ASB18: variants seen among roughly 807,000 people sequenced by gnomAD.
The protein encoded by ASB18 is ankyrin repeat and SOCS box protein 18.
In ASB18, 33 loss-of-function variants were observed where a neutral mutation model predicts 33.4. The observed-to-expected ratio is 0.99, with a 90% CI of 0.75 to 1.32. ASB18 has a LOEUF of 1.32. ASB18 is among the 40% of genes most tolerant of loss of function. ASB18 has a pLI of 0.00. For missense variants in ASB18, 694 were observed against 655.5 expected (o/e 1.06, Z -0.64); for synonymous variants, 295 against 307.6 (o/e 0.96, Z 0.43).
chr2:236,254,363 G>A (rs377636954), intron 1 of ASB18, among the ~76,000 whole-genome samples: 147 of 151,952 alleles, frequency 9.7e-4, no homozygotes, highest in African/African-American at 3.4e-3. Flanking sequence ...TATTCTCAGA[G>A]TAAACCTGAC....
chr2:236,243,942 T>G (rs1359314161), intron 1 of ASB18, among the ~76,000 whole-genome samples: 1 of 152,168 alleles, frequency 6.6e-6, no homozygotes, highest in African/African-American at 2.4e-5. Context: ...TTCTCTTGCC[T>G]CAGCCTCCTG....
rs369676391 is a variant in ASB18 at position 236,205,151 on chromosome 2, C to T, written c.1102-8766G>A. Among the ~76,000 whole-genome samples the T allele has an allele frequency of 1.3e-5, 2 of 152,174 alleles. No individual in the cohort carries two copies. The highest frequency in any genetic ancestry group is 2.9e-5 in the Non-Finnish European group (2 of 68,020). On this transcript the variant is annotated intron_variant, in intron 4 of 5. Coordinates refer to ENST00000409749, the MANE Select transcript of ASB18 (RefSeq NM_212556.4). The surrounding 1 kb of genome is among the most constrained non-coding windows in gnomAD (Gnocchi z 5.4). ...ATCTTTACAAAATATTGTTGGATTG[C>T]GTCACTCCTCTGCTCAAATCCCTCC... is the stretch of plus-strand genomic sequence containing the variant.
chr2:236,227,334 T>A (rs2060545516), intron 3 of ASB18, among the ~76,000 whole-genome samples: 1 of 152,100 alleles, frequency 6.6e-6, no homozygotes. Flanking sequence ...AATAGTAAAA[T>A]ATAGTTTCAA....
rs1001329611 is a variant in ASB18, at chr2:236,237,752, G to C, written c.533C>G (p.Pro178Arg). ...VRLLLQHRAD[P>R]DLLSAEGLAP... ...CAGGCCCTCGGCGCTGAGCAGGTCG[G>C]GGTCGGCGCGGTGCTGCAGCAGCAG... The change falls in exon 3 of 6, where the codon CCC becomes CGC. Residue 178 changes from proline (P) to arginine (R), a missense_variant. Transcript: ENST00000409749. The surrounding 1 kb of genome is among the most constrained non-coding windows in gnomAD (Gnocchi z 6.2). The C allele has an allele frequency of 6.2e-6, 9 of 1,456,876 alleles. No homozygotes were observed. Among genetic ancestry groups the C allele is most frequent in the Non-Finnish European group, 2.7e-6 (3 of 1,110,052 alleles). The allele number at this position is 1,456,876 out of a possible 1,614,324, so 90.2% of individuals were successfully genotyped here.
At position 236,196,474 on chromosome 2, in the gene ASB18, C is replaced by G; in HGVS notation, c.1102-89G>C. The G allele has an allele frequency of 1.4e-6, 1 of 717,676 alleles. No individual in the cohort carries two copies. The highest frequency in any genetic ancestry group is 2.5e-6 in the Non-Finnish European group (1 of 401,150). The allele number at this position is 717,676 out of a possible 1,614,324, so 44.5% of individuals were successfully genotyped here. A position where few individuals can be genotyped will look rare whatever the true frequency, so the allele number is the denominator to read the frequency against. On this transcript the variant is annotated intron_variant, in intron 4 of 5. Coordinates refer to ENST00000409749, the MANE Select transcript of ASB18 (RefSeq NM_212556.4). The surrounding 1 kb of genome is among the most constrained non-coding windows in gnomAD (Gnocchi z 5.6). ...GGTGGGGGGTGTGGGGGGATGCTCT[C>G]CCTAGCTGTGTGACCTCCCTACGCC...
rs1439787215 is a variant in ASB18 at position 236,264,141 on chromosome 2, C to CT, written c.204dup (p.Gly69ArgfsTer22). On this transcript the variant is annotated frameshift_variant and splice_region_variant, in exon 1 of 6. Coordinates refer to ENST00000409749, the MANE Select transcript of ASB18 (RefSeq NM_212556.4). LOFTEE classifies it high-confidence loss of function. The surrounding 1 kb of genome is among the most constrained non-coding windows in gnomAD (Gnocchi z 5.1). ...GATGCAGCAGGCTCGTTCTGGTTAC[C>CT]TAGCAGCATGCCGGTGGGCAGCTGA... is the stretch of plus-strand genomic sequence containing the variant. 6.2e-7 allele frequency: 1 copy of CT among 1,613,526 alleles called. No individual in the cohort carries two copies. Among genetic ancestry groups the CT allele is most frequent in the Non-Finnish European group, 8.5e-7 (1 of 1,179,806 alleles).
chr2:236,247,929 T>C (rs943130029), intron 1 of ASB18: 2 of 152,178 alleles, frequency 1.3e-5, no homozygotes, highest in Non-Finnish European at 2.9e-5. Flanking sequence ...TTTGGGAGTA[T>C]TTAGAAAACA....
chr2:236,243,712 G>A (rs1177487400), intron 1 of ASB18, among the ~76,000 whole-genome samples: 2 of 151,858 alleles, frequency 1.3e-5, no homozygotes, highest in African/African-American at 4.8e-5. Flanking sequence ...AATGATAACA[G>A]TTCTTTATTA....
At position 236,248,241 on chromosome 2, in the gene ASB18, C is replaced by G. The variant is rs1340735611; in HGVS notation, c.206-6839G>C. The G allele has an allele frequency of 1.3e-5, 2 of 152,176 alleles. No homozygotes were observed. Among genetic ancestry groups the G allele is most frequent in the Non-Finnish European group, 2.9e-5 (2 of 68,058 alleles). 9.4% of individuals were successfully genotyped at this position (152,176 alleles called of 1,614,324 possible). A position where few individuals can be genotyped will look rare whatever the true frequency, so the allele number is the denominator to read the frequency against. On this transcript the variant is annotated intron_variant, in intron 1 of 5. Transcript: ENST00000409749. This position sits in a 1 kb window ranked among gnomAD's most constrained non-coding sequence, Gnocchi z 4.9. ...TAAAAAACACGATGCCTGGAGCCCA[C>G]CTGGTAGTTTCAGGCATAATGGGTT...
rs777875813 is a variant in ASB18 at position 236,241,349 on chromosome 2, C to T, written c.259G>A (p.Val87Met). The change falls in exon 2 of 6, where the codon GTG becomes ATG. Residue 87 changes from valine (V) to methionine (M), a missense_variant. By Grantham distance (21) the Val-to-Met change is conservative. Transcript: ENST00000409749. This position sits in a 1 kb window ranked among gnomAD's most constrained non-coding sequence, Gnocchi z 4.2. ...TCATCCTTATTGATCTCAAACACCA[C>T]GTTGGCATCCTGGAAGAACTGGTCC... ...LMDQFFQDAN[V>M]VFEINKDEME... The T allele has an allele frequency of 1.9e-5, 30 of 1,613,948 alleles. No homozygotes were observed. Among genetic ancestry groups the T allele is most frequent in the South Asian group, 3.3e-5 (3 of 91,088 alleles).
At chr2:236,254,739 T>G (rs1433576630) in intron 1 of ASB18, among the ~76,000 whole-genome samples, 1 of 152,138 alleles carries the variant, frequency 6.6e-6, no homozygotes, top group Non-Finnish European at 1.5e-5. Flanking sequence ...AAGCCCATCG[T>G]TGATGGGAAC....
chr2:236,200,165 G>A lies in ASB18; in HGVS notation c.1102-3780C>T, dbSNP rs1259744909. Among the ~76,000 whole-genome samples, 1 of 152,036 alleles carries A rather than the reference G, an allele frequency of 6.6e-6. No individual in the cohort carries two copies. Among genetic ancestry groups the A allele is most frequent in the East Asian group, 1.9e-4 (1 of 5,180 alleles). ...AGTTCGATACTAGCCTGGCCAACAT[G>A]GTGAAGCTCCATCTCTACTAAAAAT... is the stretch of plus-strand genomic sequence containing the variant. On this transcript the variant is annotated intron_variant, in intron 4 of 5. Transcript: ENST00000409749. This position sits in a 1 kb window ranked among gnomAD's most constrained non-coding sequence, Gnocchi z 4.2.
At chr2:236,227,339 T>G (rs938433397) in intron 3 of ASB18, among the ~76,000 whole-genome samples, 15 of 152,148 alleles carry the variant, frequency 9.9e-5, no homozygotes, top group African/African-American at 3.4e-4. Flanking sequence ...TAAAATATAG[T>G]TTCAATTCCT....
chr2:236,221,007 C>T lies in ASB18; in HGVS notation c.597-6141G>A, dbSNP rs558060196. On this transcript the variant is annotated intron_variant, in intron 3 of 5. Transcript: ENST00000409749. The surrounding 1 kb of genome is among the most constrained non-coding windows in gnomAD (Gnocchi z 5.6). ...GCACAGTAACCGGTTCTCACCCAGT[C>T]CTCCTAGCTACCTGGCACGGTAGAT... is the stretch of plus-strand genomic sequence containing the variant. Among the ~76,000 whole-genome samples, 1 of 152,270 alleles carries T rather than the reference C, an allele frequency of 6.6e-6. No individual in the cohort carries two copies. Among genetic ancestry groups the T allele is most frequent in the African/African-American group, 2.4e-5 (1 of 41,552 alleles).
intron 1 of ASB18, among the ~76,000 whole-genome samples, chr2:236,242,844 C>T (rs1299902314): frequency 7.2e-6 from 1 of 138,012 alleles, no homozygotes; most frequent in Non-Finnish European, 1.5e-5. Context: ...TAGCAAGGGT[C>T]CCCCCATCTC....
In ASB18 at chr2:236,248,592, CA is replaced by C. The variant is rs775561670; in HGVS notation, c.206-7191del. 0.064 allele frequency: 7,492 copies of C among 117,980 alleles called. 202 individuals are homozygous for C. The highest frequency in any genetic ancestry group is 0.078 in the Non-Finnish European group (4,309 of 55,250). The allele number at this position is 117,980 out of a possible 1,614,324, so 7.3% of individuals were successfully genotyped here. Reference sequence around the variant, plus strand: ...TGGGCAACAGAGCAAGACTCCGTCTCAAAAAAAAAAAAAAGAAAGAAAAAAG... The same window carrying C: ...TGGGCAACAGAGCAAGACTCCGTCTCAAAAAAAAAAAAAGAAAGAAAAAAG... On this transcript the variant is annotated intron_variant, in intron 1 of 5. Transcript: ENST00000409749. The surrounding 1 kb of genome is among the most constrained non-coding windows in gnomAD (Gnocchi z 4.9).
chr2:236,258,853 A>G (rs1240164442), intron 1 of ASB18, among the ~76,000 whole-genome samples: 1 of 152,160 alleles, frequency 6.6e-6, no homozygotes, highest in Non-Finnish European at 1.5e-5. Flanking sequence ...ATTACCCCAA[A>G]CACAACATAA....
chr2:236,214,356 C>A lies in ASB18; in HGVS notation c.1101+6G>T. On this transcript the variant is annotated splice_donor_region_variant and intron_variant, in intron 4 of 5. Transcript: ENST00000409749. The surrounding 1 kb of genome is among the most constrained non-coding windows in gnomAD (Gnocchi z 6.5). ...CACGTGCCAGCCGGGCTGGATCCTG[C>A]CTTACCTTGGGGAAGGCGTCGGGCC... 1.9e-6 allele frequency: 3 copies of A among 1,570,700 alleles called. No individual in the cohort carries two copies.
rs2060501451 is a variant in ASB18 at position 236,219,478 on chromosome 2, T to C, written c.597-4612A>G. On this transcript the variant is annotated intron_variant, in intron 3 of 5. Coordinates refer to ENST00000409749, the MANE Select transcript of ASB18 (RefSeq NM_212556.4). The surrounding 1 kb of genome is among the most constrained non-coding windows in gnomAD (Gnocchi z 6.4). ...TGGAACGTATGTATGGCAATGCCCA[T>C]GAGAAGGTGAGGAGAGGAGAGGCCT... Among the ~76,000 whole-genome samples, 1 of 152,158 alleles carries C rather than the reference T, an allele frequency of 6.6e-6. No homozygotes were observed. The highest frequency in any genetic ancestry group is 2.1e-4 in the South Asian group (1 of 4,832).
Sources: gnomAD v4.1 joint callset for allele counts (sites outside exome capture counted in the v4.1 genomes callset) on GRCh38, gnomAD v4.1.1 for gene constraint, Gnocchi (gnomAD v3.1) non-coding constraint, MANE v1.5 for transcripts, NCBI Gene and HGNC (gene_info 2026-07-23, HGNC 2026-07-21) for gene names.